The following STAU2 variants were observed in gnomAD, a reference collection of about 807,000 sequenced individuals.
STAU2 encodes double-stranded RNA-binding protein Staufen homolog 2.
In STAU2, 20 loss-of-function variants were observed where a neutral mutation model predicts 65.9. That is an observed-to-expected ratio of 0.30 (90% confidence interval 0.21 to 0.44). The LOEUF (loss-of-function observed/expected upper bound fraction) is 0.44, where lower values mean the gene tolerates loss of function less well. Among genes scored for constraint, STAU2 ranks in the 20% least tolerant of loss-of-function variants. STAU2 has a pLI of 1.00. For missense variants in STAU2, 558 were observed against 683.9 expected, an observed-to-expected ratio of 0.82 and a Z score of 2.05; for synonymous variants, 232 against 233.9, an observed-to-expected ratio of 0.99 and a Z score of 0.07.
chr8:73,435,933 T>C (rs1244742344), intron 13 of STAU2, among the ~76,000 whole-genome samples: 1 of 151,908 alleles, frequency 6.6e-6, no homozygotes, highest in Admixed American at 6.5e-5. Context: ...CAATCATGGC[T>C]GAGTTCTGCC....
At chr8:73,682,876 A>G (rs1418399687) in intron 5 of STAU2, among the ~76,000 whole-genome samples, 2 of 152,158 alleles carry the variant, frequency 1.3e-5, no homozygotes, top group African/African-American at 4.8e-5. Context: ...GGAGCTGGAT[A>G]AATTCCTGGA....
intron 13 of STAU2, among the ~76,000 whole-genome samples, chr8:73,495,025 T>C (rs1821331833): frequency 1.3e-5 from 2 of 151,662 alleles, no homozygotes; most frequent in Non-Finnish European, 3.0e-5. Context: ...CATATATTCA[T>C]ATTAAAAACT....
chr8:73,532,084 T>C (rs981394609), intron 13 of STAU2, among the ~76,000 whole-genome samples: 4 of 150,870 alleles, frequency 2.7e-5, no homozygotes, highest in African/African-American at 9.7e-5. Context: ...GAAAGGGAGG[T>C]TGGATATGCG....
intron 13 of STAU2, among the ~76,000 whole-genome samples, chr8:73,429,282 T>C (rs1315195599): frequency 6.6e-6 from 1 of 152,118 alleles, no homozygotes; most frequent in Non-Finnish European, 1.5e-5. Context: ...TGAGTTGTTA[T>C]CACAGCCTTG....
intron 12 of STAU2, among the ~76,000 whole-genome samples, chr8:73,564,195 T>C (rs1229512192): frequency 6.6e-6 from 1 of 152,144 alleles, no homozygotes; most frequent in Non-Finnish European, 1.5e-5. Context: ...TTGTCTTGCT[T>C]CACTTGGAGT....
intron 13 of STAU2, chr8:73,551,627 T>C (rs1481457805): frequency 1.0e-6 from 1 of 991,812 alleles, no homozygotes; most frequent in East Asian, 1.1e-4. Flanking sequence ...AATCCTTATG[T>C]AAAAAAAGGG....
chr8:73,658,323 G>A (rs1447237102), intron 6 of STAU2, among the ~76,000 whole-genome samples: 2 of 151,904 alleles, frequency 1.3e-5, no homozygotes, highest in East Asian at 2.0e-4. Flanking sequence ...AGCGAAGATC[G>A]TGCTATTGCA....
rs575594247 is a variant in STAU2, at chr8:73,678,201, C to A, written c.275-4959G>T. On this transcript the variant is annotated intron_variant, in intron 5 of 14. Coordinates refer to ENST00000524300, the MANE Select transcript of STAU2 (RefSeq NM_001164380.2). ...TCAAACTGAGCTTCCTAAAATACTC[C>A]TTTAAATGCATCATGCACTGCTCAT... is the stretch of plus-strand genomic sequence containing the variant. Among the ~76,000 whole-genome samples the A allele has an allele frequency of 3.9e-4, 60 of 152,278 alleles. 2 individuals are homozygous for A. In the South Asian group the frequency reaches 0.012, roughly 31 times the overall value.
intron 6 of STAU2, among the ~76,000 whole-genome samples, chr8:73,671,606 A>G (rs566634089): frequency 6.6e-6 from 1 of 152,282 alleles, no homozygotes; most frequent in African/African-American, 2.4e-5. Flanking sequence ...GTGAACAAAG[A>G]TTTACATAGT....
At chr8:73,444,107 T>C (rs1362408693) in intron 13 of STAU2, among the ~76,000 whole-genome samples, 1 of 152,042 alleles carries the variant, frequency 6.6e-6, no homozygotes, top group Non-Finnish European at 1.5e-5. Context: ...TAGGAGGATA[T>C]TATGAATGAA....
intron 13 of STAU2, among the ~76,000 whole-genome samples, chr8:73,442,353 CAAAAAAAAAA>C (rs10606663): frequency 1.0e-5 from 1 of 100,160 alleles, no homozygotes; most frequent in East Asian, 3.0e-4. Context: ...GACTCCGTCT[CAAAAAAAAAA>C]AAAAAAAAAA....
rs1288149913 is a variant in STAU2 at position 73,688,763 on chromosome 8, G to A, written c.165C>T (p.Gly55=). 6.2e-7 allele frequency: 1 copy of A among 1,614,156 alleles called. No homozygotes were observed. The highest frequency in any genetic ancestry group is 8.5e-7 in the Non-Finnish European group (1 of 1,180,022). ...SLGEQTWESE[G]SSIKKAQQAV... ...CCTGCTGAGCCTTCTTTATACTGCT[G>A]CCTTCGGATTCCCATGTCTGCTCAC... Residue 55 remains glycine, a synonymous_variant, in exon 5 of 15, where the codon GGC becomes GGT. Transcript: ENST00000524300.
chr8:73,689,907 A>G (rs952160836), intron 4 of STAU2, among the ~76,000 whole-genome samples: 1 of 152,028 alleles, frequency 6.6e-6, no homozygotes, highest in Non-Finnish European at 1.5e-5. Flanking sequence ...TTTAATCTGA[A>G]TCTAATCACA....
At chr8:73,442,357 A>G (rs1380550600) in intron 13 of STAU2, among the ~76,000 whole-genome samples, 1 of 45,920 alleles carries the variant, frequency 2.2e-5, no homozygotes, top group Non-Finnish European at 4.9e-5. Context: ...CCGTCTCAAA[A>G]AAAAAAAAAA....
Position 73,604,527 on chromosome 8 carries a change from G to A in STAU2, c.892-664C>T, listed in dbSNP as rs951681269. 3.9e-5 allele frequency among the ~76,000 whole-genome samples: 6 copies of A among 152,080 alleles called. No homozygotes were observed. The East Asian group carries it at 5.8e-4, about 15-fold the overall frequency. ...ATTACAGGTGTGAGCCGCAGCACCC[G>A]GCCACAACACACATAATTTTAAAAA... On this transcript the variant is annotated intron_variant, in intron 9 of 14. Transcript: ENST00000524300.
intron 6 of STAU2, among the ~76,000 whole-genome samples, chr8:73,664,906 C>T (rs1009543906): frequency 1.3e-5 from 2 of 152,044 alleles, no homozygotes; most frequent in Admixed American, 6.6e-5. Context: ...GCATGAGAAT[C>T]GCTCGAACCT....
intron 12 of STAU2, among the ~76,000 whole-genome samples, chr8:73,575,089 A>C (rs1586039425): frequency 1.3e-5 from 2 of 150,494 alleles, no homozygotes; most frequent in African/African-American, 2.4e-5. Context: ...AAGAATTTTC[A>C]TGTCATAAAG....
At position 73,618,193 on chromosome 8, in the gene STAU2, G is replaced by C. The variant is rs1176004497; in HGVS notation, c.411-742C>G. Among the ~76,000 whole-genome samples, 6 of 152,162 alleles carry C rather than the reference G, an allele frequency of 3.9e-5. 1 individual carries two copies. The South Asian group carries it at 6.2e-4, about 16-fold the overall frequency. ...CTATGACAATGAACAACAACACTTA[G>C]AGTGGGGAAGATAAACAATAAGAAA... On this transcript the variant is annotated intron_variant, in intron 6 of 14. Transcript: ENST00000524300.
chr8:73,603,862 G>A lies in STAU2; in HGVS notation c.893C>T (p.Ala298Val). The A allele has an allele frequency of 6.3e-7, 1 of 1,577,932 alleles. No individual in the cohort carries two copies. The highest frequency in any genetic ancestry group is 8.6e-7 in the Non-Finnish European group (1 of 1,169,200). The change falls in exon 10 of 15, where the codon GCC becomes GTC. Residue 298 changes from alanine (A) to valine (V), a missense_variant and splice_region_variant. Ala to Val is a moderately conservative substitution (Grantham distance 64). Transcript: ENST00000524300. ...FKKRPKTIVKAGPEYGQGMNP... is the reference protein window; with the variant it reads ...FKKRPKTIVKVGPEYGQGMNP... ...CATCCCTTGGCCATATTCTGGTCCG[G>A]CCTAAAAATTAATTTAAGAAAAAGT...
Sources: allele counts gnomAD v4.1 joint callset (sites outside exome capture counted in the v4.1 genomes callset), GRCh38; gene constraint gnomAD v4.1.1; transcripts MANE v1.5; gene names NCBI Gene and HGNC (gene_info 2026-07-23, HGNC 2026-07-21).